Variants in NCOA6 observed in about 807,000 individuals in gnomAD.
NCOA6 encodes the protein NRC RAP250.
In NCOA6, 49 loss-of-function variants were observed where a neutral mutation model predicts 171.4. The ratio of observed to expected loss-of-function variants is 0.29; its 90% CI spans 0.23 to 0.36. NCOA6 has a LOEUF of 0.36. Among genes scored for constraint, NCOA6 ranks in the 10% least tolerant of loss-of-function variants. The probability of loss-of-function intolerance (pLI) is 1.00; values close to 1 mark genes in which losing one functional copy is unlikely to be tolerated. For missense variants in NCOA6, 2,248 were observed against 2,554.5 expected (o/e 0.88, Z 2.59); for synonymous variants, 910 against 927.5 (o/e 0.98, Z 0.34).
chr20:34,804,651 T>C (rs2078382353), intron 1 of NCOA6, among the ~76,000 whole-genome samples: 1 of 152,100 alleles, frequency 6.6e-6, no homozygotes, highest in African/African-American at 2.4e-5. Context: ...AATATTTATA[T>C]TTTAAATATA....
chr20:34,775,877 G>A (rs1159201667), intron 4 of NCOA6, among the ~76,000 whole-genome samples: 1 of 152,098 alleles, frequency 6.6e-6, no homozygotes, highest in African/African-American at 2.4e-5. Flanking sequence ...AGGAGGCTGA[G>A]ATGGGAGGAT....
intron 2 of NCOA6, among the ~76,000 whole-genome samples, chr20:34,784,428 A>G (rs897102662): frequency 6.6e-6 from 1 of 151,470 alleles, no homozygotes; most frequent in African/African-American, 2.4e-5. Flanking sequence ...ATCTTGCCAT[A>G]TTGCCCAGGC....
chr20:34,790,206 G>A (rs578054593), intron 2 of NCOA6, among the ~76,000 whole-genome samples: 27 of 152,030 alleles, frequency 1.8e-4, no homozygotes, highest in Non-Finnish European at 2.9e-4. Context: ...GATACATATA[G>A]ATAGAATATT....
Position 34,741,833 on chromosome 20 carries a change from C to T in NCOA6, c.4423G>A (p.Glu1475Lys). 6.2e-7 allele frequency: 1 copy of T among 1,614,170 alleles called. No individual in the cohort carries two copies. Among genetic ancestry groups the T allele is most frequent in the Non-Finnish European group, 8.5e-7 (1 of 1,180,030 alleles). The change falls in exon 11 of 15, where the codon GAG (glutamate) becomes AAG (lysine). Residue 1475 changes from glutamate to lysine, a missense_variant. Physicochemically the swap from Glu to Lys is moderately conservative, Grantham distance 56 (BLOSUM62 1). Transcript: ENST00000359003. The part of the protein sequence containing the change: ...SDPNKLPSVE[E>K]NKNLVSPAMR... ...GCAGGAGACACCAAATTTTTGTTCT[C>T]TTCGACACTGGGAAGTTTGTTAGGA...
At chr20:34,733,850 CAAAAAAAAAAAAAAAAA>C (rs60649247) in intron 12 of NCOA6, among the ~76,000 whole-genome samples, 2 of 44,382 alleles carry the variant, frequency 4.5e-5, no homozygotes, top group Non-Finnish European at 7.5e-5. Flanking sequence ...GACTCTGTCC[CAAAAAAAAAAAAAAAAA>C]AAAAAAAAAA....
At chr20:34,809,196 CT>C (rs1176828954) in intron 1 of NCOA6, among the ~76,000 whole-genome samples, 2 of 152,148 alleles carry the variant, frequency 1.3e-5, no homozygotes, top group Non-Finnish European at 2.9e-5. Context: ...ATAAAGAATT[CT>C]GCCATATTAC....
At chr20:34,776,694 A>G (rs1428517751) in intron 3 of NCOA6, 2 of 611,132 alleles carry the variant, frequency 3.3e-6, no homozygotes, top group African/African-American at 1.8e-5. Context: ...AAACTATGAA[A>G]AAACTACTTC....
chr20:34,764,086 ATT>A (rs11475245), intron 5 of NCOA6, among the ~76,000 whole-genome samples: 42 of 131,868 alleles, frequency 3.2e-4, no homozygotes, highest in African/African-American at 2.3e-4. Context: ...GCCCAGCTAC[ATT>A]TTTTTTTTTT....
Position 34,808,364 on chromosome 20 carries a change from G to C in NCOA6, c.-163-15801C>G, listed in dbSNP as rs147879232. ...TAAATATTTATCCAAATATTTATGGGGGGAAAAAAGTCACAGGTCACACAG... is the reference window on the plus strand; with the variant it reads ...TAAATATTTATCCAAATATTTATGGCGGGAAAAAAGTCACAGGTCACACAG... On this transcript the variant is annotated intron_variant, in intron 1 of 14. Transcript: ENST00000359003. 3.5e-3 allele frequency among the ~76,000 whole-genome samples: 526 copies of C among 151,556 alleles called. 3 individuals carry two copies. Among genetic ancestry groups the C allele is most frequent in the African/African-American group, 0.012 (503 of 41,282 alleles).
At chr20:34,806,692 C>T (rs528892403) in intron 1 of NCOA6, among the ~76,000 whole-genome samples, 1 of 152,244 alleles carries the variant, frequency 6.6e-6, no homozygotes, top group Admixed American at 6.5e-5. Context: ...TTGGGCGTCT[C>T]TGTTGAAAAT....
intron 4 of NCOA6, among the ~76,000 whole-genome samples, chr20:34,772,627 A>C (rs1484419818): frequency 6.6e-6 from 1 of 150,958 alleles, no homozygotes; most frequent in South Asian, 2.1e-4. Flanking sequence ...CCAGAAAAAA[A>C]TGCAGCAGAA....
At position 34,734,655 on chromosome 20, in the gene NCOA6, C is replaced by G. The variant is rs544770181; in HGVS notation, c.5962+2035G>C. Among the ~76,000 whole-genome samples, 4 of 152,038 alleles carry G rather than the reference C, an allele frequency of 2.6e-5. No individual in the cohort carries two copies. The South Asian group carries it at 8.3e-4, about 32-fold the overall frequency. On this transcript the variant is annotated intron_variant, in intron 12 of 14. Transcript: ENST00000359003. ...ACCATTACACCCGGCCTAGTTTGCTCTTCTTTTTTTTTTGAGACAGAGTTT... is the reference window on the plus strand; with the variant it reads ...ACCATTACACCCGGCCTAGTTTGCTGTTCTTTTTTTTTTGAGACAGAGTTT...
At chr20:34,782,002 C>CTTAA (rs2077527785) in intron 3 of NCOA6, 119 bp downstream of exon 3, 3 of 673,228 alleles carry the variant, frequency 4.5e-6, no homozygotes, top group Non-Finnish European at 7.5e-6. Flanking sequence ...CACCTCTGTG[C>CTTAA]TTAAATTCAG....
intron 1 of NCOA6, among the ~76,000 whole-genome samples, chr20:34,806,246 A>G (rs2078446793): frequency 6.6e-6 from 1 of 152,178 alleles, no homozygotes. Context: ...CAAGTACCCA[A>G]TTTTTAAAGT....
intron 4 of NCOA6, among the ~76,000 whole-genome samples, chr20:34,772,805 A>C (rs1327959827): frequency 6.6e-6 from 1 of 152,166 alleles, no homozygotes; most frequent in African/African-American, 2.4e-5. Flanking sequence ...TCTCATTCTT[A>C]ATTTTAATAG....
At chr20:34,818,380 A>G (rs1347507203) in intron 1 of NCOA6, among the ~76,000 whole-genome samples, 1 of 150,068 alleles carries the variant, frequency 6.7e-6, no homozygotes, top group Non-Finnish European at 1.5e-5. Flanking sequence ...AAAACAAAAC[A>G]AAAAAACCCT....
chr20:34,775,322 G>C (rs1306881016), intron 4 of NCOA6, among the ~76,000 whole-genome samples: 21 of 152,010 alleles, frequency 1.4e-4, no homozygotes, highest in African/African-American at 5.1e-4. Context: ...GTGTGTGTGT[G>C]TGTGTGTCTG....
intron 5 of NCOA6, among the ~76,000 whole-genome samples, chr20:34,766,905 ACAGTGTCATCTAT>A (rs1015148783): frequency 6.6e-6 from 1 of 152,174 alleles, no homozygotes; most frequent in Admixed American, 6.5e-5. Flanking sequence ...AGTAGTGGCA[ACAGTGTCATCTAT>A]CATTTCTCAT....
intron 1 of NCOA6, among the ~76,000 whole-genome samples, chr20:34,808,022 C>T (rs1333015659): frequency 1.3e-5 from 2 of 151,578 alleles, no homozygotes; most frequent in Non-Finnish European, 2.9e-5. Context: ...TGGTGGCAGG[C>T]GCCTGTAGTT....
Sources: gnomAD v4.1 joint callset for allele counts (sites outside exome capture counted in the v4.1 genomes callset) on GRCh38, gnomAD v4.1.1 for gene constraint, MANE v1.5 for transcripts, NCBI Gene and HGNC (gene_info 2026-07-23, HGNC 2026-07-21) for gene names.